Variants in SMARCA2 observed in about 807,000 individuals in gnomAD.
SMARCA2 encodes the protein SWI/SNF-related matrix-associated actin-dependent regulator of chromatin subfamily A member 2.
A neutral mutation model predicts 199.8 loss-of-function variants in SMARCA2; 61 were observed. The observed-to-expected ratio is 0.31, with a 90% CI of 0.25 to 0.38. The LOEUF is 0.38. SMARCA2 is among the 10% of genes least tolerant of loss of function. SMARCA2 has a pLI of 1.00. For missense variants in SMARCA2, 1,344 were observed against 2,012.2 expected (o/e 0.67, Z 6.35); for synonymous variants, 935 against 732.0 (o/e 1.28, Z -4.48).
intron 22 of SMARCA2, among the ~76,000 whole-genome samples, chr9:2,102,667 T>C (rs1822573790): frequency 6.6e-6 from 1 of 152,208 alleles, no homozygotes; most frequent in Non-Finnish European, 1.5e-5. Flanking sequence ...TCACAGCGTC[T>C]TCTGCATCTC....
chr9:2,164,161 A>G (rs1265356914), intron 28 of SMARCA2, among the ~76,000 whole-genome samples: 3 of 151,944 alleles, frequency 2.0e-5, no homozygotes, highest in African/African-American at 7.2e-5. Context: ...TTTACGCCCG[A>G]CTCACTTCAT....
intron 29 of SMARCA2, among the ~76,000 whole-genome samples, chr9:2,172,832 C>A (rs76395484): frequency 0.012 from 1,881 of 152,158 alleles, 39 homozygotes; most frequent in African/African-American, 0.043. Context: ...ATCAGCCCTG[C>A]AGTGGAAAGT....
At chr9:2,094,505 C>T (rs1444702684) in intron 19 of SMARCA2, among the ~76,000 whole-genome samples, 1 of 152,200 alleles carries the variant, frequency 6.6e-6, no homozygotes, top group Admixed American at 6.5e-5. Context: ...CCATGCCTTC[C>T]ACATTCAGGA....
intron 9 of SMARCA2, among the ~76,000 whole-genome samples, chr9:2,063,756 TC>T (rs1820704432): frequency 6.6e-6 from 1 of 150,926 alleles, no homozygotes; most frequent in Non-Finnish European, 1.5e-5. Flanking sequence ...TTTTTTTAAT[TC>T]CCTAGAAGGA....
At chr9:2,113,635 G>A (rs1823098149) in intron 24 of SMARCA2, among the ~76,000 whole-genome samples, 1 of 152,112 alleles carries the variant, frequency 6.6e-6, no homozygotes. Flanking sequence ...AATTAGATGG[G>A]TGATCTGAAA....
intron 24 of SMARCA2, among the ~76,000 whole-genome samples, chr9:2,111,351 C>G (rs113837974): frequency 6.6e-6 from 1 of 151,708 alleles, no homozygotes; most frequent in African/African-American, 2.4e-5. Context: ...TAGCTGGGCA[C>G]AGTGGCACTT....
chr9:2,114,014 C>T (rs1383365984), intron 24 of SMARCA2, among the ~76,000 whole-genome samples: 5 of 147,088 alleles, frequency 3.4e-5, no homozygotes, highest in Non-Finnish European at 7.7e-5. Flanking sequence ...CAGCATAGAA[C>T]GTTTACTATT....
chr9:2,142,178 C>T lies in SMARCA2; in HGVS notation c.3981+18241C>T, dbSNP rs537037868. ...TTGGGCTAGTGGGTGTTGGTCTTCA[C>T]TGCTCCTCGTCTTGGGTGACACTGG... On this transcript the variant is annotated intron_variant, in intron 27 of 33. Coordinates refer to ENST00000349721, the MANE Select transcript of SMARCA2 (RefSeq NM_003070.5). 2.6e-5 allele frequency among the ~76,000 whole-genome samples: 4 copies of T among 152,328 alleles called. No individual in the cohort carries two copies. The South Asian group carries it at 8.3e-4, about 32-fold the overall frequency.
intron 24 of SMARCA2, among the ~76,000 whole-genome samples, chr9:2,112,287 T>G (rs1823040023): frequency 6.6e-6 from 1 of 152,168 alleles, no homozygotes; most frequent in African/African-American, 2.4e-5. Context: ...TTGAGGACGA[T>G]CTATAGGTGA....
intron 31 of SMARCA2, 57 bp from the exon 32 acceptor site, chr9:2,186,039 T>C: frequency 6.4e-7 from 1 of 1,558,368 alleles, no homozygotes; most frequent in Non-Finnish European, 8.8e-7. Flanking sequence ...TAAGGAAGAG[T>C]TCACTGCCAT....
intron 27 of SMARCA2, among the ~76,000 whole-genome samples, chr9:2,152,894 T>C (rs1825149830): frequency 6.6e-6 from 1 of 151,912 alleles, no homozygotes; most frequent in Non-Finnish European, 1.5e-5. Context: ...ATAAAAATAA[T>C]TTATGTGAAG....
At chr9:2,176,725 G>T (rs1441209327) in intron 29 of SMARCA2, among the ~76,000 whole-genome samples, 1 of 87,284 alleles carries the variant, frequency 1.1e-5, no homozygotes, top group Non-Finnish European at 2.3e-5. Flanking sequence ...GCTAAGTTTT[G>T]TATTTTTTTT....
At chr9:2,040,016 C>A in intron 4 of SMARCA2, 116 bp downstream of exon 4, 1 of 1,508,990 alleles carries the variant, frequency 6.6e-7, no homozygotes, top group Non-Finnish European at 8.9e-7. Flanking sequence ...TTTGTTATAC[C>A]TCACTGGCTC....
chr9:2,158,154 G>C, intron 27 of SMARCA2: 6 of 91,934 alleles, frequency 6.5e-5, no homozygotes, highest in Non-Finnish European at 6.2e-5. Context: ...AAGAGAGAAA[G>C]AGGGCCAAAA....
At chr9:2,176,590 T>A (rs1217816159) in intron 29 of SMARCA2, among the ~76,000 whole-genome samples, 2 of 152,168 alleles carry the variant, frequency 1.3e-5, no homozygotes, top group Non-Finnish European at 2.9e-5. Flanking sequence ...TCAGCTCTGT[T>A]GACCAGGCTG....
intron 16 of SMARCA2, 129 bp downstream of exon 16, chr9:2,083,542 C>T (rs528499809): frequency 4.2e-5 from 23 of 544,382 alleles, no homozygotes; most frequent in Non-Finnish European, 7.2e-5. Flanking sequence ...TGTACTAAAC[C>T]GTGAGAGTTA....
chr9:2,170,475 C>G lies in SMARCA2; in HGVS notation c.4253+3C>G. The G allele has an allele frequency of 1.2e-6, 2 of 1,614,070 alleles. No individual in the cohort carries two copies. Among genetic ancestry groups the G allele is most frequent in the Middle Eastern group, 1.6e-4 (1 of 6,062 alleles). On this transcript the variant is annotated splice_donor_region_variant and intron_variant, in intron 29 of 33. Coordinates refer to ENST00000349721, the MANE Select transcript of SMARCA2 (RefSeq NM_003070.5). The surrounding 1 kb of genome is among the most constrained non-coding windows in gnomAD (Gnocchi z 4.7). ...CAGTTGGAAATAGAAGGAAACAGGT[C>G]AGGATCTGTCTTGTATTCCCCTATC... is the stretch of plus-strand genomic sequence containing the variant.
At chr9:2,181,734 C>A in intron 30 of SMARCA2, 58 bp downstream of exon 30, 2 of 937,708 alleles carry the variant, frequency 2.1e-6, no homozygotes, top group Non-Finnish European at 3.5e-6. Flanking sequence ...AGTGTAAAGT[C>A]ATTGAAATGG....
chr9:2,191,472 A>G, intron 33 of SMARCA2, 64 bp downstream of exon 33: 2 of 1,566,770 alleles, frequency 1.3e-6, no homozygotes, highest in South Asian at 1.1e-5. Flanking sequence ...GGCCTCTTGC[A>G]TTTCCATGCC....
Sources: allele counts gnomAD v4.1 joint callset (sites outside exome capture counted in the v4.1 genomes callset), GRCh38; gene constraint gnomAD v4.1.1; non-coding constraint Gnocchi (gnomAD v3.1); transcripts MANE v1.5; gene names NCBI Gene and HGNC (gene_info 2026-07-23, HGNC 2026-07-21).